UGT1A3: variants seen among roughly 807,000 people sequenced by gnomAD.
UGT1A3 encodes UDP-glucuronosyltransferase 1A3.
In UGT1A3, 31 loss-of-function variants were observed where a neutral mutation model predicts 41.0. That is an observed-to-expected ratio of 0.76 (90% confidence interval 0.57 to 1.02). The LOEUF is 1.02. Ranked by LOEUF, UGT1A3 falls within the 50% of genes least tolerant of loss-of-function variation. The pLI, the probability that UGT1A3 is intolerant of heterozygous loss-of-function variation, is 0.00. For missense variants in UGT1A3, 737 were observed against 671.0 expected (o/e 1.10, Z -1.09); for synonymous variants, 262 against 257.6 (o/e 1.02, Z -0.17).
chr2:233,759,109 C>A (rs1697056507), intron 1 of UGT1A3, among the ~76,000 whole-genome samples: 1 of 152,128 alleles, frequency 6.6e-6, no homozygotes, highest in Admixed American at 6.5e-5. Flanking sequence ...GTTTGCAAAC[C>A]AGGGAGTTAC....
intron 1 of UGT1A3, among the ~76,000 whole-genome samples, chr2:233,745,151 G>A (rs1280914667): frequency 6.6e-6 from 1 of 151,808 alleles, no homozygotes; most frequent in African/African-American, 2.4e-5. Flanking sequence ...AGTATATGGA[G>A]GGTCAAATGT....
chr2:233,764,151 G>A (rs1391990112), intron 1 of UGT1A3, among the ~76,000 whole-genome samples: 1 of 152,184 alleles, frequency 6.6e-6, no homozygotes. Flanking sequence ...CATTTTGGCT[G>A]GTGAAGTCTC....
Position 233,743,547 on chromosome 2 carries a change from C to G in UGT1A3, c.867+13554C>G, listed in dbSNP as rs201114978. ...TTCCCCAGCAGTTCCTCTGACCCCC[C>G]CAAAATATTCTCCAGCGGGTTTCCC... is the stretch of plus-strand genomic sequence containing the variant. On this transcript the variant is annotated intron_variant, in intron 1 of 4. Coordinates refer to ENST00000482026, the MANE Select transcript of UGT1A3 (RefSeq NM_019093.4). 1.6e-4 allele frequency: 221 copies of G among 1,367,292 alleles called. 1 individual carries two copies. In the East Asian group the frequency reaches 2.5e-3, roughly 15 times the overall value. The allele number at this position is 1,367,292 out of a possible 1,614,324, so 84.7% of individuals were successfully genotyped here.
intron 4 of UGT1A3, chr2:233,770,452 G>C (rs1050174931): frequency 6.6e-6 from 1 of 152,078 alleles, no homozygotes; most frequent in African/African-American, 2.4e-5. Context: ...TTAGGAGTTC[G>C]AAACCAACCT....
In UGT1A3 at chr2:233,768,412, C is replaced by T. The variant is rs756044146; in HGVS notation, c.1280C>T (p.Ala427Val). The change falls in exon 4 of 5, where the codon GCT becomes GTT. Residue 427 changes from alanine to valine, a missense_variant. By Grantham distance (64) the Ala-to-Val change is moderately conservative. Transcript: ENST00000482026. The stretch of plus-strand genomic sequence containing the variant: ...ATGACTTCTGAAGATTTAGAAAATG[C>T]TCTAAAAGCAGTCATCAATGACAAA... ...LEMTSEDLEN[A>V]LKAVINDKSY... 8.1e-6 allele frequency: 13 copies of T among 1,614,062 alleles called. No homozygotes were observed. Among genetic ancestry groups the T allele is most frequent in the Non-Finnish European group, 1.1e-5 (13 of 1,180,014 alleles).
At chr2:233,748,742 C>T (rs533880197) in intron 1 of UGT1A3, among the ~76,000 whole-genome samples, 32 of 151,508 alleles carry the variant, frequency 2.1e-4, no homozygotes, top group African/African-American at 6.3e-4. Flanking sequence ...TCTCAGAGTT[C>T]GGAAGGCATA....
intron 1 of UGT1A3, among the ~76,000 whole-genome samples, chr2:233,761,605 A>G (rs1697811953): frequency 6.6e-6 from 1 of 152,260 alleles, no homozygotes; most frequent in South Asian, 2.1e-4. Context: ...TCCAGTTTCT[A>G]AATATTCTGA....
chr2:233,765,544 G>A (rs148810143), intron 1 of UGT1A3, among the ~76,000 whole-genome samples: 5,118 of 152,186 alleles, frequency 0.034, 277 homozygotes, highest in African/African-American at 0.12. Context: ...CTCATAAGTG[G>A]GAGTTGAACA....
chr2:233,735,465 A>C (rs1036180168), intron 1 of UGT1A3, among the ~76,000 whole-genome samples: 1 of 151,962 alleles, frequency 6.6e-6, no homozygotes, highest in Admixed American at 6.6e-5. Context: ...TCTTTATCCA[A>C]TTTGCCAGTC....
At chr2:233,747,557 A>C (rs1485247055) in intron 1 of UGT1A3, 7 of 1,596,092 alleles carry the variant, frequency 4.4e-6, no homozygotes, top group Non-Finnish European at 6.0e-6. Flanking sequence ...AAAGTATGGC[A>C]ATTTTGAAAA....
rs193257830 is a variant in UGT1A3, at chr2:233,736,992, G to T, written c.867+6999G>T. Among the ~76,000 whole-genome samples, 107 of 152,338 alleles carry T rather than the reference G, an allele frequency of 7.0e-4. 1 individual carries two copies. Among genetic ancestry groups the T allele is most frequent in the Non-Finnish European group, 1.1e-3 (75 of 68,030 alleles). Reference sequence around the variant, plus strand: ...TGTTTCCCAGTCAAGATACACAGAGGTCAGGGACCCGCTTGAGGAGGCAGT... The same window carrying T: ...TGTTTCCCAGTCAAGATACACAGAGTTCAGGGACCCGCTTGAGGAGGCAGT... On this transcript the variant is annotated intron_variant, in intron 1 of 4. Transcript: ENST00000482026.
rs1218307967 is a variant in UGT1A3 at position 233,768,238 on chromosome 2, C to G, written c.1106C>G (p.Ala369Gly). 1.2e-6 allele frequency: 2 copies of G among 1,614,074 alleles called. No homozygotes were observed. The highest frequency in any genetic ancestry group is 1.6e-4 in the Middle Eastern group (1 of 6,084). The change falls in exon 4 of 5, where the codon GCC becomes GGC. Residue 369 changes from alanine (A) to glycine (G), a missense_variant. Coordinates refer to ENST00000482026, the MANE Select transcript of UGT1A3 (RefSeq NM_019093.4). ...NDLLGHPMTR[A>G]FITHAGSHGV... Reference sequence around the variant, plus strand: ...ATCTCAGGTCACCCGATGACCCGTGCCTTTATCACCCATGCTGGTTCCCAT... The same window carrying G: ...ATCTCAGGTCACCCGATGACCCGTGGCTTTATCACCCATGCTGGTTCCCAT...
In UGT1A3 at chr2:233,769,701, C is replaced by A. The variant is rs2126047704; in HGVS notation, c.1307+1262C>A. 1 of 1,525,142 alleles carries A rather than the reference C, an allele frequency of 6.6e-7. No homozygotes were observed. The highest frequency in any genetic ancestry group is 2.0e-5 in the Admixed American group (1 of 50,446). 94.5% of individuals were successfully genotyped at this position (1,525,142 alleles called of 1,614,324 possible). On this transcript the variant is annotated intron_variant, in intron 4 of 4. Transcript: ENST00000482026. This position sits in a 1 kb window ranked among gnomAD's most constrained non-coding sequence, Gnocchi z 4.4. ...TGTGTGGTGGCACTGGATAAAAGAT[C>A]AATGTTGGCTAGGCACCATGGCACA...
chr2:233,760,048 C>T (rs189369417), intron 1 of UGT1A3, among the ~76,000 whole-genome samples: 1 of 152,292 alleles, frequency 6.6e-6, no homozygotes, highest in East Asian at 1.9e-4. Flanking sequence ...GCTGTGTTCA[C>T]TCAAGAATGT....
intron 1 of UGT1A3, among the ~76,000 whole-genome samples, 187 bp downstream of exon 1, chr2:233,730,180 A>C (rs1264603007): frequency 3.9e-5 from 6 of 152,190 alleles, no homozygotes; most frequent in South Asian, 2.1e-4. Flanking sequence ...TCAGGTTTTA[A>C]ATGGTCACTG....
At chr2:233,731,885 AT>A (rs2078216460) in intron 1 of UGT1A3, among the ~76,000 whole-genome samples, 2 of 152,268 alleles carry the variant, frequency 1.3e-5, no homozygotes, top group South Asian at 2.1e-4. Context: ...GGTTGAACTA[AT>A]TTACACTCCC....
chr2:233,771,063 C>G (rs913473960), intron 4 of UGT1A3: 3 of 152,106 alleles, frequency 2.0e-5, no homozygotes, highest in Admixed American at 1.3e-4. Flanking sequence ...ATGACCGGCT[C>G]TCACAATAAC....
At chr2:233,747,347 G>A (rs1693638720) in intron 1 of UGT1A3, 5 of 1,603,376 alleles carry the variant, frequency 3.1e-6, no homozygotes, top group Non-Finnish European at 4.3e-6. Context: ...CTCGCATGCG[G>A]GAGGCCGTGC....
intron 1 of UGT1A3, among the ~76,000 whole-genome samples, chr2:233,751,264 C>T (rs796592770): frequency 6.6e-6 from 1 of 151,872 alleles, no homozygotes; most frequent in East Asian, 1.9e-4. Context: ...CTGTAGCCCC[C>T]TTTTTTTGGC....
Sources: allele counts gnomAD v4.1 joint callset (sites outside exome capture counted in the v4.1 genomes callset), GRCh38; gene constraint gnomAD v4.1.1; non-coding constraint Gnocchi (gnomAD v3.1); transcripts MANE v1.5; gene names NCBI Gene and HGNC (gene_info 2026-07-23, HGNC 2026-07-21).